The following ST8SIA4 variants were observed in gnomAD, a reference collection of about 807,000 sequenced individuals.
ST8SIA4 encodes CMP-N-acetylneuraminate-poly-alpha-2,8-sialyltransferase.
In ST8SIA4, 15 loss-of-function variants were observed where a neutral mutation model predicts 33.9. That is an observed-to-expected ratio of 0.44 (90% CI 0.30 to 0.68). The LOEUF is 0.68. ST8SIA4 is among the 30% of genes least tolerant of loss of function. The probability of loss-of-function intolerance (pLI) is 0.10; values close to 1 mark genes in which losing one functional copy is unlikely to be tolerated. For missense variants in ST8SIA4, 321 were observed against 428.0 expected (o/e 0.75, Z 2.21); for synonymous variants, 171 against 151.2 (o/e 1.13, Z -0.96).
chr5:100,869,455 G>C (rs1322197245), intron 3 of ST8SIA4, among the ~76,000 whole-genome samples: 1 of 152,062 alleles, frequency 6.6e-6, no homozygotes, highest in Non-Finnish European at 1.5e-5. Flanking sequence ...TCGACACTAG[G>C]TGTTATCATC....
chr5:100,864,671 G>A (rs1752026039), intron 3 of ST8SIA4, among the ~76,000 whole-genome samples: 1 of 149,784 alleles, frequency 6.7e-6, no homozygotes, highest in South Asian at 2.1e-4. Context: ...ATCTTGTCTC[G>A]TTCATTACTT....
intron 3 of ST8SIA4, among the ~76,000 whole-genome samples, chr5:100,856,833 G>A (rs1366464625): frequency 6.6e-6 from 1 of 152,108 alleles, no homozygotes; most frequent in Non-Finnish European, 1.5e-5. Flanking sequence ...TAAAGCTTAA[G>A]TCATTTCAAC....
chr5:100,889,453 A>G (rs1022298795), intron 2 of ST8SIA4, among the ~76,000 whole-genome samples: 10 of 151,958 alleles, frequency 6.6e-5, no homozygotes, highest in African/African-American at 2.4e-4. Flanking sequence ...TGAGTAAACT[A>G]GTGGTCCTGA....
chr5:100,836,596 T>C (rs1008704341), intron 4 of ST8SIA4, among the ~76,000 whole-genome samples: 2 of 152,034 alleles, frequency 1.3e-5, no homozygotes, highest in Non-Finnish European at 2.9e-5. Flanking sequence ...AATAAATAAC[T>C]TTCACTTTTC....
chr5:100,890,777 T>A (rs1752643873), intron 2 of ST8SIA4: 1 of 152,062 alleles, frequency 6.6e-6, no homozygotes, highest in East Asian at 1.9e-4. Context: ...ACATTAAAGA[T>A]AACTGAAGGA....
intron 4 of ST8SIA4, among the ~76,000 whole-genome samples, chr5:100,843,597 T>C (rs1751510674): frequency 6.6e-6 from 1 of 151,852 alleles, no homozygotes; most frequent in Non-Finnish European, 1.5e-5. Flanking sequence ...TGTTGAAAAC[T>C]CATGTAAAAA....
chr5:100,842,568 T>G (rs1198761055), intron 4 of ST8SIA4, among the ~76,000 whole-genome samples: 1 of 151,862 alleles, frequency 6.6e-6, no homozygotes, highest in African/African-American at 2.4e-5. Context: ...CTATTAACAT[T>G]TATAATGACT....
rs149248462 is a variant in ST8SIA4 at position 100,855,938 on chromosome 5, G to A, written c.797+165C>T. ...AAAGAGGGTGAGTTAAAATCATATC[G>A]TACATAAACAAACTTCAAGTTTGTA... On this transcript the variant is annotated intron_variant, in intron 4 of 4. Coordinates refer to ENST00000231461, the MANE Select transcript of ST8SIA4 (RefSeq NM_005668.6). Among the ~76,000 whole-genome samples the A allele has an allele frequency of 3.0e-3, 452 of 152,168 alleles. 2 individuals are homozygous for A. Among genetic ancestry groups the A allele is most frequent in the African/African-American group, 9.8e-3 (408 of 41,512 alleles).
At chr5:100,824,452 C>T (rs1314858920) in intron 4 of ST8SIA4, among the ~76,000 whole-genome samples, 1 of 151,958 alleles carries the variant, frequency 6.6e-6, no homozygotes, top group Non-Finnish European at 1.5e-5. Flanking sequence ...CAGTTGCTAT[C>T]TTAATTCTTT....
At chr5:100,829,374 T>A (rs1466779013) in intron 4 of ST8SIA4, among the ~76,000 whole-genome samples, 1 of 152,102 alleles carries the variant, frequency 6.6e-6, no homozygotes, top group Non-Finnish European at 1.5e-5. Context: ...TATTATTTGA[T>A]CTATTTTTTC....
chr5:100,849,823 A>G (rs1346052465), intron 4 of ST8SIA4, among the ~76,000 whole-genome samples: 3 of 152,040 alleles, frequency 2.0e-5, no homozygotes, highest in Non-Finnish European at 1.5e-5. Context: ...ACAAAAATAA[A>G]CAAAAAACAA....
At chr5:100,838,156 T>TA (rs1036858898) in intron 4 of ST8SIA4, among the ~76,000 whole-genome samples, 47 of 151,878 alleles carry the variant, frequency 3.1e-4, no homozygotes, top group African/African-American at 9.9e-4. Flanking sequence ...GTGCCTAGAG[T>TA]ATAGAAGACA....
chr5:100,835,810 A>C (rs1264334267), intron 4 of ST8SIA4, among the ~76,000 whole-genome samples: 1 of 152,184 alleles, frequency 6.6e-6, no homozygotes, highest in African/African-American at 2.4e-5. Flanking sequence ...AATATTCACC[A>C]GAATAGAAAG....
At chr5:100,879,204 T>A (rs532437081) in intron 3 of ST8SIA4, among the ~76,000 whole-genome samples, 1 of 152,162 alleles carries the variant, frequency 6.6e-6, no homozygotes, top group Admixed American at 6.6e-5. Flanking sequence ...TATTAAGTAA[T>A]CTTTTTAAAC....
intron 4 of ST8SIA4, among the ~76,000 whole-genome samples, chr5:100,845,098 T>C (rs764125547): frequency 3.3e-5 from 5 of 152,078 alleles, no homozygotes; most frequent in Non-Finnish European, 7.4e-5. Context: ...TTGGAAGTTG[T>C]GGCCTGAGGC....
Position 100,840,552 on chromosome 5 carries a change from T to G in ST8SIA4, c.797+15551A>C, listed in dbSNP as rs76885028. 9.0e-3 allele frequency among the ~76,000 whole-genome samples: 1,371 copies of G among 151,848 alleles called. 17 individuals carry two copies. The highest frequency in any genetic ancestry group is 0.031 in the African/African-American group (1,300 of 41,468). Reference sequence around the variant, plus strand: ...CTAAATATGAAAAGGGTCAGAACATTGAGCGAGTTGCAAAATTCCCCCAAG... The same window carrying G: ...CTAAATATGAAAAGGGTCAGAACATGGAGCGAGTTGCAAAATTCCCCCAAG... On this transcript the variant is annotated intron_variant, in intron 4 of 4. Transcript: ENST00000231461.
intron 2 of ST8SIA4, among the ~76,000 whole-genome samples, chr5:100,888,178 C>T (rs1212835794): frequency 1.3e-5 from 2 of 149,848 alleles, no homozygotes; most frequent in African/African-American, 2.5e-5. Context: ...GGGAAGAGTC[C>T]GGGACCCTAG....
intron 4 of ST8SIA4, among the ~76,000 whole-genome samples, chr5:100,842,372 G>C (rs991307254): frequency 2.6e-5 from 4 of 151,814 alleles, no homozygotes; most frequent in African/African-American, 9.7e-5. Flanking sequence ...TATTAATGGA[G>C]ACTTGCTGAT....
intron 3 of ST8SIA4, among the ~76,000 whole-genome samples, chr5:100,869,544 A>G (rs1343799581): frequency 6.6e-6 from 1 of 151,950 alleles, no homozygotes; most frequent in Admixed American, 6.6e-5. Flanking sequence ...CTTCTCTTTC[A>G]TATATTTTAT....
Sources: gnomAD v4.1 joint callset for allele counts (sites outside exome capture counted in the v4.1 genomes callset) on GRCh38, gnomAD v4.1.1 for gene constraint, MANE v1.5 for transcripts, NCBI Gene and HGNC (gene_info 2026-07-23, HGNC 2026-07-21) for gene names.